The following RUNX2 variants were observed in gnomAD, a reference collection of about 807,000 sequenced individuals.
RUNX2 encodes the protein RUNX family transcription factor 2, also known as runt-related transcription factor 2.
Under a neutral mutation model 51.7 loss-of-function variants are expected in RUNX2, and 10 were observed. The ratio of observed to expected loss-of-function variants is 0.19; its 90% CI spans 0.12 to 0.33. The LOEUF (loss-of-function observed/expected upper bound fraction) is 0.33. Among genes scored for constraint, RUNX2 ranks in the 10% least tolerant of loss-of-function variants. The probability of loss-of-function intolerance (pLI) is 1.00; values close to 1 mark genes in which losing one functional copy is unlikely to be tolerated. For synonymous variants in RUNX2, 276 were observed against 273.6 expected (o/e 1.01, Z -0.09); for missense variants, 562 against 691.3 (o/e 0.81, Z 2.10).
intron 6 of RUNX2, among the ~76,000 whole-genome samples, chr6:45,504,971 G>A (rs1800916604): frequency 6.6e-6 from 1 of 152,216 alleles, no homozygotes; most frequent in African/African-American, 2.4e-5. Context: ...GGTACTCCCT[G>A]CAGACAGCTT....
chr6:45,504,437 G>A (rs1800896420), intron 6 of RUNX2, among the ~76,000 whole-genome samples: 1 of 152,184 alleles, frequency 6.6e-6, no homozygotes, highest in African/African-American at 2.4e-5. Context: ...GTCCAAGCCT[G>A]CACAGTTAGT....
chr6:45,475,987 A>G (rs917931430), intron 5 of RUNX2, among the ~76,000 whole-genome samples: 2 of 152,242 alleles, frequency 1.3e-5, no homozygotes, highest in African/African-American at 4.8e-5. Flanking sequence ...TAAGAGGTCC[A>G]AAAATCTTCA....
intron 2 of RUNX2, among the ~76,000 whole-genome samples, chr6:45,378,339 A>G (rs1797105729): frequency 6.6e-6 from 1 of 152,214 alleles, no homozygotes; most frequent in African/African-American, 2.4e-5. Flanking sequence ...ACTCCGAGGA[A>G]GAGATTCACC....
rs1180613675 is a variant in RUNX2, at chr6:45,478,958, GC to G, written c.686-12982del. Among the ~76,000 whole-genome samples, 3 of 152,088 alleles carry G rather than the reference GC, an allele frequency of 2.0e-5. No homozygotes were observed. In the East Asian group the frequency reaches 5.8e-4, roughly 29 times the overall value. ...GCTGGAGTGCAGTGGCACCATCTCG[GC>G]TCACTGCAACCTCCACCTCCTGGGT... On this transcript the variant is annotated intron_variant, in intron 5 of 8. Coordinates refer to ENST00000647337, the MANE Select transcript of RUNX2 (RefSeq NM_001024630.4).
At chr6:45,493,510 G>C (rs1002030495) in intron 6 of RUNX2, among the ~76,000 whole-genome samples, 6 of 152,098 alleles carry the variant, frequency 3.9e-5, no homozygotes, top group East Asian at 1.9e-4. Context: ...GGGAGAGTGG[G>C]GGGGCGGTGG....
chr6:45,424,168 G>A (rs1417910839), intron 3 of RUNX2, among the ~76,000 whole-genome samples: 16 of 152,212 alleles, frequency 1.1e-4, no homozygotes, highest in Non-Finnish European at 4.4e-5. Context: ...GCGGGTGGCA[G>A]CCGCGGGAGT....
intron 2 of RUNX2, among the ~76,000 whole-genome samples, chr6:45,359,048 C>T (rs1357456884): frequency 1.3e-5 from 2 of 152,076 alleles, no homozygotes; most frequent in Non-Finnish European, 2.9e-5. Context: ...TTCAAGAATT[C>T]ATTTCTGTAA....
chr6:45,475,354 A>C (rs1048025962), intron 5 of RUNX2, among the ~76,000 whole-genome samples: 18 of 152,146 alleles, frequency 1.2e-4, no homozygotes, highest in Non-Finnish European at 2.1e-4. Flanking sequence ...AATTAGACTT[A>C]TTGGCAGAAA....
chr6:45,543,711 T>G (rs1220770244), intron 7 of RUNX2, among the ~76,000 whole-genome samples: 1 of 152,140 alleles, frequency 6.6e-6, no homozygotes, highest in African/African-American at 2.4e-5. Context: ...GACACAAGGA[T>G]GACTAGTTTA....
intron 5 of RUNX2, among the ~76,000 whole-genome samples, chr6:45,472,296 A>G (rs1325469623): frequency 6.6e-6 from 1 of 152,212 alleles, no homozygotes; most frequent in Non-Finnish European, 1.5e-5. Context: ...GACATCAGAA[A>G]CGGATAGCAA....
chr6:45,416,991 A>T (rs1309589752), intron 2 of RUNX2, among the ~76,000 whole-genome samples: 1 of 152,208 alleles, frequency 6.6e-6, no homozygotes, highest in African/African-American at 2.4e-5. Context: ...AGCCATGCAA[A>T]TTATTATAGG....
At chr6:45,496,102 G>A (rs1165278044) in intron 6 of RUNX2, among the ~76,000 whole-genome samples, 3 of 152,016 alleles carry the variant, frequency 2.0e-5, no homozygotes, top group African/African-American at 7.3e-5. Context: ...TGTCACAAAT[G>A]TTCACTTCTT....
intron 6 of RUNX2, among the ~76,000 whole-genome samples, chr6:45,500,810 G>C (rs1332695064): frequency 6.6e-6 from 1 of 152,188 alleles, no homozygotes; most frequent in Non-Finnish European, 1.5e-5. Flanking sequence ...GGCTGTCGTG[G>C]ACCGTCTGTC....
intron 2 of RUNX2, among the ~76,000 whole-genome samples, chr6:45,395,786 T>G (rs1166003702): frequency 6.6e-6 from 1 of 152,144 alleles, no homozygotes; most frequent in Middle Eastern, 3.2e-3. Flanking sequence ...TGCCTCAGCC[T>G]CCCAAATAGC....
At chr6:45,365,415 G>T in intron 2 of RUNX2, 1 of 685,818 alleles carries the variant, frequency 1.5e-6, no homozygotes, top group Non-Finnish European at 2.4e-6. Context: ...TTAAATTTCT[G>T]ATTTGTTTTG....
At chr6:45,333,367 CTG>C (rs1428134038) in intron 2 of RUNX2, among the ~76,000 whole-genome samples, 3 of 151,532 alleles carry the variant, frequency 2.0e-5, no homozygotes, top group Non-Finnish European at 4.4e-5. Flanking sequence ...TCCCATACAA[CTG>C]TTTTAAGACC....
In RUNX2 at chr6:45,331,138, C is replaced by T. The variant is rs544683542; in HGVS notation, c.58+2354C>T. Reference sequence around the variant, plus strand: ...GTGTGTGTGTGTGTGCGCGCGCGCGCGCACATGCTAGAGAAAGAGTATGTC... The same window carrying T: ...GTGTGTGTGTGTGTGCGCGCGCGCGTGCACATGCTAGAGAAAGAGTATGTC... On this transcript the variant is annotated intron_variant, in intron 2 of 8. Transcript: ENST00000647337. Among the ~76,000 whole-genome samples the T allele has an allele frequency of 4.5e-4, 69 of 151,764 alleles. 1 individual carries two copies. The highest frequency in any genetic ancestry group is 1.6e-3 in the African/African-American group (65 of 41,356).
At chr6:45,371,923 TGC>T in intron 2 of RUNX2, 2 of 836,078 alleles carry the variant, frequency 2.4e-6, no homozygotes, top group Non-Finnish European at 2.9e-6. Context: ...TTTCTTGAAC[TGC>T]CCAAGGACAC....
intron 5 of RUNX2, among the ~76,000 whole-genome samples, chr6:45,484,048 G>A (rs1800194347): frequency 6.6e-6 from 1 of 152,200 alleles, no homozygotes; most frequent in African/African-American, 2.4e-5. Flanking sequence ...GGATTTGGGG[G>A]CAGAAAGAAT....
Sources: allele counts gnomAD v4.1 joint callset (sites outside exome capture counted in the v4.1 genomes callset), GRCh38; gene constraint gnomAD v4.1.1; transcripts MANE v1.5; gene names NCBI Gene and HGNC (gene_info 2026-07-23, HGNC 2026-07-21).